The following RUFY1 variants were observed in gnomAD, a reference collection of about 807,000 sequenced individuals.
RUFY1 encodes the protein RUN and FYVE domain-containing protein 1.
In RUFY1, 54 loss-of-function variants were observed where a neutral mutation model predicts 94.6. The ratio of observed to expected loss-of-function variants is 0.57; its 90% CI spans 0.46 to 0.72. The LOEUF is 0.72. Among genes scored for constraint, RUFY1 ranks in the 30% least tolerant of loss-of-function variants. RUFY1 has a pLI of 0.00. For synonymous variants in RUFY1, 396 were observed against 347.3 expected (o/e 1.14, Z -1.56); for missense variants, 883 against 883.9 (o/e 1.00, Z 0.01).
At chr5:179,592,677 T>A (rs1315107792) in intron 10 of RUFY1, among the ~76,000 whole-genome samples, 3 of 152,258 alleles carry the variant, frequency 2.0e-5, no homozygotes, top group African/African-American at 7.2e-5. Context: ...TGACCAGAGT[T>A]ACTTGTAAAC....
At chr5:179,600,267 C>T (rs530776203) in intron 14 of RUFY1, among the ~76,000 whole-genome samples, 5 of 152,336 alleles carry the variant, frequency 3.3e-5, no homozygotes, top group African/African-American at 1.2e-4. Flanking sequence ...CGGGCCCGAG[C>T]TCCACCGCTG....
At chr5:179,586,100 A>G (rs554795108) in intron 8 of RUFY1, among the ~76,000 whole-genome samples, 50 of 152,140 alleles carry the variant, frequency 3.3e-4, no homozygotes, top group African/African-American at 1.1e-3. Context: ...TATCACCTCA[A>G]AGTCATCCCA....
chr5:179,598,883 T>A (rs1765983452), intron 14 of RUFY1, 62 bp downstream of exon 14: 2 of 1,589,618 alleles, frequency 1.3e-6, no homozygotes, highest in African/African-American at 2.9e-5. Flanking sequence ...CCTAACATGC[T>A]CCGGGCAGGC....
At chr5:179,578,453 A>G (rs562140871) in intron 6 of RUFY1, among the ~76,000 whole-genome samples, 3 of 151,730 alleles carry the variant, frequency 2.0e-5, no homozygotes, top group Non-Finnish European at 2.9e-5. Context: ...TCCTGGCCTC[A>G]GGTGATCCAC....
At chr5:179,604,932 C>T (rs541083359) in intron 15 of RUFY1, among the ~76,000 whole-genome samples, 57 of 148,292 alleles carry the variant, frequency 3.8e-4, no homozygotes, top group African/African-American at 1.3e-3. Context: ...TGCAGTGAGC[C>T]GAGATCACAC....
chr5:179,586,447 G>T, intron 8 of RUFY1: 1 of 456,586 alleles, frequency 2.2e-6, no homozygotes, highest in Middle Eastern at 3.3e-4. Flanking sequence ...CAGGAGGGGG[G>T]TGCTCAGCCC....
At chr5:179,574,098 T>C (rs1763431788) in intron 5 of RUFY1, among the ~76,000 whole-genome samples, 1 of 152,024 alleles carries the variant, frequency 6.6e-6, no homozygotes, top group Admixed American at 6.6e-5. Flanking sequence ...GTGTCAGAAT[T>C]GTATTAGCCT....
intron 4 of RUFY1, 125 bp from the exon 5 acceptor site, chr5:179,569,177 G>A (rs1191277019): frequency 3.2e-6 from 5 of 1,556,776 alleles, no homozygotes; most frequent in African/African-American, 2.7e-5. Flanking sequence ...TGAAAGGGAG[G>A]GAGGAAATCC....
chr5:179,570,072 G>A (rs1763113316), intron 5 of RUFY1, among the ~76,000 whole-genome samples: 1 of 146,140 alleles, frequency 6.8e-6, no homozygotes, highest in African/African-American at 2.6e-5. Flanking sequence ...TAGAGATGGT[G>A]TTTCACCATG....
chr5:179,557,426 A>G (rs1189762416), intron 1 of RUFY1, among the ~76,000 whole-genome samples: 3 of 152,140 alleles, frequency 2.0e-5, no homozygotes, highest in Non-Finnish European at 4.4e-5. Context: ...GCAAAACTCC[A>G]TCTCAAAAGA....
At chr5:179,559,685 A>T (rs901717813) in intron 1 of RUFY1, 2 of 1,039,242 alleles carry the variant, frequency 1.9e-6, no homozygotes, top group African/African-American at 3.4e-5. Context: ...GCGCCCTTCC[A>T]TTGGTCAAAA....
intron 7 of RUFY1, among the ~76,000 whole-genome samples, chr5:179,585,484 C>G (rs1242649511): frequency 6.6e-6 from 1 of 152,144 alleles, no homozygotes; most frequent in Non-Finnish European, 1.5e-5. Flanking sequence ...GAGGCTGAGG[C>G]TGGAAAATCG....
At chr5:179,563,663 A>G (rs926680113) in intron 3 of RUFY1, among the ~76,000 whole-genome samples, 3 of 152,094 alleles carry the variant, frequency 2.0e-5, no homozygotes, top group African/African-American at 7.2e-5. Flanking sequence ...CAAGCTTTCA[A>G]ATGTTTATTT....
chr5:179,561,225 AAATAAATT>A (rs1465455710), intron 2 of RUFY1, among the ~76,000 whole-genome samples: 2 of 99,078 alleles, frequency 2.0e-5, no homozygotes, highest in Admixed American at 1.2e-4. Flanking sequence ...ATAAATAAAT[AAATAAATT>A]AATTAATTAA....
intron 3 of RUFY1, among the ~76,000 whole-genome samples, chr5:179,566,014 C>T (rs1379980166): frequency 6.6e-6 from 1 of 152,024 alleles, no homozygotes. Flanking sequence ...GTAGCACGTG[C>T]CTGCTGTCCC....
intron 17 of RUFY1, among the ~76,000 whole-genome samples, chr5:179,608,984 A>G (rs573593447): frequency 4.6e-5 from 7 of 151,568 alleles, no homozygotes; most frequent in Non-Finnish European, 8.8e-5. Flanking sequence ...TTGGGAGGCC[A>G]AGGCGGAGGC....
At position 179,568,126 on chromosome 5, in the gene RUFY1, C is replaced by T. The variant is rs554941719; in HGVS notation, c.704+564C>T. On this transcript the variant is annotated intron_variant, in intron 4 of 17. Coordinates refer to ENST00000319449, the MANE Select transcript of RUFY1 (RefSeq NM_025158.5). ...GGGCATGGTGGCATATGCCTATAAT[C>T]CCAGCTACTCAGGACGCTGAGGCAG... Among the ~76,000 whole-genome samples, 71 of 152,124 alleles carry T rather than the reference C, an allele frequency of 4.7e-4. 1 individual carries two copies. The highest frequency in any genetic ancestry group is 6.8e-3 in the Middle Eastern group (2 of 294).
chr5:179,566,372 A>C (rs960374208), intron 3 of RUFY1, among the ~76,000 whole-genome samples: 1 of 152,152 alleles, frequency 6.6e-6, no homozygotes, highest in Non-Finnish European at 1.5e-5. Flanking sequence ...TAGGAGGCCA[A>C]GGTGGGTGGA....
At chr5:179,606,748 G>A (rs990800472) in intron 16 of RUFY1, among the ~76,000 whole-genome samples, 9 of 152,184 alleles carry the variant, frequency 5.9e-5, no homozygotes, top group South Asian at 2.1e-4. Context: ...CTCTAGAGCC[G>A]CCAGAGCTCT....
Sources: allele counts gnomAD v4.1 joint callset (sites outside exome capture counted in the v4.1 genomes callset), GRCh38; gene constraint gnomAD v4.1.1; transcripts MANE v1.5; gene names NCBI Gene and HGNC (gene_info 2026-07-23, HGNC 2026-07-21).